The following CACNB2 variants were observed in gnomAD, a reference collection of about 807,000 sequenced individuals.
The protein encoded by CACNB2 is voltage-dependent L-type calcium channel subunit beta-2.
Under a neutral mutation model 73.3 loss-of-function variants are expected in CACNB2, and 42 were observed. The ratio of observed to expected loss-of-function variants is 0.57; its 90% CI spans 0.45 to 0.74. The LOEUF (loss-of-function observed/expected upper bound fraction) is 0.74, where lower values mean the gene tolerates loss of function less well. Ranked by LOEUF, CACNB2 falls within the 30% of genes least tolerant of loss-of-function variation. The pLI is 0.00. For missense variants in CACNB2, 940 were observed against 853.0 expected (o/e 1.10, Z -1.27); for synonymous variants, 348 against 310.3 (o/e 1.12, Z -1.28).
At chr10:18,222,407 T>TACACAC (rs59165053) in intron 2 of CACNB2, among the ~76,000 whole-genome samples, 3,965 of 149,402 alleles carry the variant, frequency 0.027, 152 homozygotes, top group African/African-American at 0.08. Context: ...CACACACACA[T>TACACAC]ACACACACAC....
chr10:18,434,318 T>C (rs75084294), intron 3 of CACNB2, among the ~76,000 whole-genome samples: 6,374 of 152,158 alleles, frequency 0.042, 474 homozygotes, highest in African/African-American at 0.14. Flanking sequence ...TGATTTAACA[T>C]AGGGAATTAG....
intron 9 of CACNB2, among the ~76,000 whole-genome samples, chr10:18,520,859 T>A (rs1256945318): frequency 6.6e-6 from 1 of 152,244 alleles, no homozygotes; most frequent in African/African-American, 2.4e-5. Flanking sequence ...TATGCACACA[T>A]ACACATGCAC....
At chr10:18,402,351 T>G (rs1382452028) in intron 3 of CACNB2, among the ~76,000 whole-genome samples, 3 of 150,912 alleles carry the variant, frequency 2.0e-5, no homozygotes, top group African/African-American at 7.3e-5. Flanking sequence ...AATATCAACA[T>G]GTTTTACTTC....
rs2054147446 is a variant in CACNB2 at position 18,543,521 on chromosome 10, T to G, written c.*3797T>G. On this transcript the variant is annotated 3_prime_UTR_variant, in exon 14 of 14. Transcript: ENST00000324631. ...TTCTTCTGTTTCATAGAAATGTTAATATTAAATGTTAAAATATATATTAAT... is the reference window on the plus strand; with the variant it reads ...TTCTTCTGTTTCATAGAAATGTTAAGATTAAATGTTAAAATATATATTAAT... 6.6e-6 allele frequency: 1 copy of G among 152,226 alleles called. No individual in the cohort carries two copies. The highest frequency in any genetic ancestry group is 2.1e-4 in the South Asian group (1 of 4,832). 9.4% of individuals were successfully genotyped at this position (152,226 alleles called of 1,614,324 possible).
intron 4 of CACNB2, among the ~76,000 whole-genome samples, chr10:18,500,217 G>T (rs1043964545): frequency 1.3e-5 from 2 of 152,176 alleles, no homozygotes; most frequent in Non-Finnish European, 2.9e-5. Context: ...CGTGTTCAAG[G>T]ACAGATTTAT....
At chr10:18,387,140 C>G (rs1197555202) in intron 2 of CACNB2, among the ~76,000 whole-genome samples, 1 of 152,142 alleles carries the variant, frequency 6.6e-6, no homozygotes, top group Non-Finnish European at 1.5e-5. Context: ...ACTCGAAGAT[C>G]CTCCACCCCT....
At chr10:18,498,791 A>C (rs1214247900) in intron 4 of CACNB2, 1 of 326,048 alleles carries the variant, frequency 3.1e-6, no homozygotes, top group Non-Finnish European at 5.9e-6. Context: ...CACCTTGACT[A>C]GGTGTAGTTT....
intron 9 of CACNB2, among the ~76,000 whole-genome samples, chr10:18,526,040 T>C (rs895599443): frequency 6.6e-6 from 1 of 152,216 alleles, no homozygotes; most frequent in Non-Finnish European, 1.5e-5. Flanking sequence ...TGACAAACTG[T>C]CCTGTGCTCA....
At chr10:18,241,486 T>C (rs2036647830) in intron 2 of CACNB2, among the ~76,000 whole-genome samples, 1 of 151,936 alleles carries the variant, frequency 6.6e-6, no homozygotes, top group Non-Finnish European at 1.5e-5. Flanking sequence ...CTAATGTAGA[T>C]GACGGGTTGA....
intron 3 of CACNB2, among the ~76,000 whole-genome samples, chr10:18,449,506 G>C (rs570528491): frequency 6.6e-6 from 1 of 152,354 alleles, no homozygotes; most frequent in East Asian, 1.9e-4. Flanking sequence ...AGCCAAGACA[G>C]AGTCAGAGGG....
intron 12 of CACNB2, among the ~76,000 whole-genome samples, chr10:18,536,588 A>ACAGT (rs1232330918): frequency 6.6e-6 from 1 of 152,110 alleles, no homozygotes; most frequent in African/African-American, 2.4e-5. Flanking sequence ...TTTGAAAAAA[A>ACAGT]CAGTCAAACA....
intron 2 of CACNB2, among the ~76,000 whole-genome samples, chr10:18,389,008 A>G (rs895540085): frequency 2.0e-5 from 3 of 152,230 alleles, no homozygotes; most frequent in Admixed American, 2.0e-4. Flanking sequence ...TTTTCAGGGT[A>G]CTTTGTGAGA....
chr10:18,453,201 C>T (rs1334555810), intron 3 of CACNB2, among the ~76,000 whole-genome samples: 3 of 152,170 alleles, frequency 2.0e-5, no homozygotes, highest in Non-Finnish European at 4.4e-5. Flanking sequence ...TCTCTCCCCA[C>T]GACAGCTGGA....
chr10:18,279,541 T>A (rs1164642684), intron 2 of CACNB2, among the ~76,000 whole-genome samples: 1 of 152,238 alleles, frequency 6.6e-6, no homozygotes, highest in East Asian at 1.9e-4. Flanking sequence ...TTCTTGCATA[T>A]AATATGCCAG....
intron 2 of CACNB2, among the ~76,000 whole-genome samples, chr10:18,175,595 A>AT (rs923987260): frequency 5.9e-5 from 9 of 151,962 alleles, no homozygotes; most frequent in African/African-American, 1.7e-4. Flanking sequence ...TTCTTGATGA[A>AT]TTTTTTTTAA....
At chr10:18,444,367 T>G (rs146139858) in intron 3 of CACNB2, among the ~76,000 whole-genome samples, 21 of 152,316 alleles carry the variant, frequency 1.4e-4, no homozygotes, top group Admixed American at 4.6e-4. Flanking sequence ...ATCACTTATT[T>G]CACTGTGTGT....
intron 2 of CACNB2, among the ~76,000 whole-genome samples, chr10:18,181,607 ATTTTATTTTATTTTATT>A: frequency 7.3e-6 from 1 of 137,720 alleles, no homozygotes; most frequent in African/African-American, 2.7e-5. Flanking sequence ...ATTTTATTTT[ATTTTATTTTATTTTATT>A]TTATTTTTGA....
At chr10:18,297,763 G>A (rs1412723027) in intron 2 of CACNB2, among the ~76,000 whole-genome samples, 3 of 152,062 alleles carry the variant, frequency 2.0e-5, no homozygotes, top group Admixed American at 6.5e-5. Flanking sequence ...TCTCTCTTCC[G>A]TTTTGCTGTG....
rs202165550 is a variant in CACNB2, at chr10:18,282,819, C to CA, written c.214-119102dup. 2.8e-4 allele frequency among the ~76,000 whole-genome samples: 42 copies of CA among 152,156 alleles called. 2 individuals are homozygous for CA. In the East Asian group the frequency reaches 8.1e-3, roughly 29 times the overall value. ...ATTTAGAAAGGAAAGAGGTTGTTGA[C>CA]AAATGGGATCTAATTAAAGAGCTTC... On this transcript the variant is annotated intron_variant, in intron 2 of 13. Transcript: ENST00000324631.
Sources: gnomAD v4.1 joint callset for allele counts (sites outside exome capture counted in the v4.1 genomes callset) on GRCh38, gnomAD v4.1.1 for gene constraint, MANE v1.5 for transcripts, NCBI Gene and HGNC (gene_info 2026-07-23, HGNC 2026-07-21) for gene names.